Variants in NAALADL2 observed in about 807,000 individuals in gnomAD.
NAALADL2 encodes inactive N-acetylated-alpha-linked acidic dipeptidase-like protein 2.
NAALADL2 carries 76 observed loss-of-function variants against 87.2 expected under a neutral mutation model. That is an observed-to-expected ratio of 0.87 (90% CI 0.72 to 1.05). The LOEUF (loss-of-function observed/expected upper bound fraction) is 1.05, where lower values mean the gene tolerates loss of function less well. Among genes scored for constraint, NAALADL2 ranks in the 50% least tolerant of loss-of-function variants. The probability of loss-of-function intolerance (pLI) is 0.00; values close to 1 mark genes in which losing one functional copy is unlikely to be tolerated. For synonymous variants in NAALADL2, 354 were observed against 331.0 expected (o/e 1.07, Z -0.75); for missense variants, 1,089 against 945.8 (o/e 1.15, Z -1.99).
At chr3:174,806,271 C>T (rs1469183629) in intron 3 of NAALADL2, among the ~76,000 whole-genome samples, 1 of 152,188 alleles carries the variant, frequency 6.6e-6, no homozygotes, top group Admixed American at 6.5e-5. Flanking sequence ...TCAAACTCCT[C>T]TACAGTCCCA....
At chr3:175,588,257 A>G (rs9809187) in intron 10 of NAALADL2, among the ~76,000 whole-genome samples, 12,986 of 152,142 alleles carry the variant, frequency 0.085, 1,501 homozygotes, top group African/African-American at 0.26. Flanking sequence ...GCCAATTATT[A>G]TAGAGTCATT....
At chr3:175,298,935 T>A (rs1756697300) in intron 4 of NAALADL2, among the ~76,000 whole-genome samples, 1 of 152,228 alleles carries the variant, frequency 6.6e-6, no homozygotes, top group South Asian at 2.1e-4. Context: ...TGGAACATTT[T>A]TAAGTGCAAG....
At chr3:175,015,833 T>C (rs898102480) in intron 1 of NAALADL2, among the ~76,000 whole-genome samples, 1 of 152,096 alleles carries the variant, frequency 6.6e-6, no homozygotes, top group African/African-American at 2.4e-5. Context: ...TAAAAATAAG[T>C]AATTTATGAG....
intron 3 of NAALADL2, among the ~76,000 whole-genome samples, chr3:174,790,603 G>A (rs1482782181): frequency 6.6e-6 from 1 of 151,246 alleles, no homozygotes; most frequent in Admixed American, 6.6e-5. Flanking sequence ...TGCCAAGATT[G>A]TGCCACTGCA....
At chr3:175,158,573 A>G (rs1560102110) in intron 2 of NAALADL2, among the ~76,000 whole-genome samples, 1 of 152,158 alleles carries the variant, frequency 6.6e-6, no homozygotes. Flanking sequence ...AAAATAAGTG[A>G]AGTAAAAAAT....
At chr3:174,660,350 GT>G (rs1159715694) in intron 2 of NAALADL2, among the ~76,000 whole-genome samples, 2 of 152,058 alleles carry the variant, frequency 1.3e-5, no homozygotes. Flanking sequence ...TATTCATTAA[GT>G]TTTTTCATGA....
intron 9 of NAALADL2, among the ~76,000 whole-genome samples, chr3:175,500,264 A>G (rs77593432): frequency 0.032 from 4,862 of 152,190 alleles, 281 homozygotes; most frequent in African/African-American, 0.11. Context: ...GGTATTTTGC[A>G]GGGGAGGAAT....
chr3:175,459,137 A>G (rs897763849), intron 6 of NAALADL2, among the ~76,000 whole-genome samples: 1 of 152,146 alleles, frequency 6.6e-6, no homozygotes, highest in African/African-American at 2.4e-5. Context: ...CAACAAATAC[A>G]TATACCACCC....
At chr3:175,493,368 T>G (rs746952219) in intron 9 of NAALADL2, among the ~76,000 whole-genome samples, 1 of 152,132 alleles carries the variant, frequency 6.6e-6, no homozygotes, top group Non-Finnish European at 1.5e-5. Context: ...TTGTCAAAAC[T>G]GTAGTAAAAT....
At chr3:175,223,545 G>T (rs899647730) in intron 2 of NAALADL2, among the ~76,000 whole-genome samples, 2 of 151,856 alleles carry the variant, frequency 1.3e-5, no homozygotes, top group Non-Finnish European at 2.9e-5. Flanking sequence ...ATGGACACTT[G>T]GGTTGTTTTC....
intron 4 of NAALADL2, among the ~76,000 whole-genome samples, chr3:175,305,198 G>A (rs1405343456): frequency 6.6e-6 from 1 of 151,890 alleles, no homozygotes; most frequent in Non-Finnish European, 1.5e-5. Flanking sequence ...GTGGCCACAT[G>A]TATAGAATAT....
intron 1 of NAALADL2, among the ~76,000 whole-genome samples, chr3:174,463,637 G>A (rs1248316877): frequency 8.1e-6 from 1 of 123,238 alleles, no homozygotes; most frequent in Non-Finnish European, 1.6e-5. Flanking sequence ...GTCTCGCTCT[G>A]TCACCCAGGC....
In NAALADL2 at chr3:174,832,320, G is replaced by A. The variant is rs534037696; in HGVS notation, c.-9+94574G>A. On this transcript the variant is annotated intron_variant, in intron 3 of 3. Transcript: ENST00000434257. ...TCTGGTATGTTTTGTCTTTGTTCTC[G>A]TTGGTTTCAAAGAACATCTTTATTT... 2.1e-4 allele frequency among the ~76,000 whole-genome samples: 32 copies of A among 152,090 alleles called. No individual in the cohort carries two copies. The East Asian group carries it at 3.5e-3, about 17-fold the overall frequency.
At chr3:175,264,638 T>C (rs1474336480) in intron 4 of NAALADL2, among the ~76,000 whole-genome samples, 1 of 151,664 alleles carries the variant, frequency 6.6e-6, no homozygotes, top group Non-Finnish European at 1.5e-5. Context: ...AAAACAGATA[T>C]AAATAAATGA....
intron 2 of NAALADL2, among the ~76,000 whole-genome samples, chr3:174,625,499 C>G (rs1438831492): frequency 1.1e-4 from 17 of 151,530 alleles, no homozygotes; most frequent in Non-Finnish European, 1.9e-4. Context: ...AGAACATTTT[C>G]TTTTTGTAAA....
Position 175,693,312 on chromosome 3 carries a change from C to T in NAALADL2, c.1897-43994C>T, listed in dbSNP as rs562449826. ...CATCTATTACAGTGGCCTAAATTCC[C>T]CTACACTAAATTGTGTTATTAATTT... is the stretch of plus-strand genomic sequence containing the variant. On this transcript the variant is annotated intron_variant, in intron 11 of 13. Coordinates refer to ENST00000454872, the MANE Select transcript of NAALADL2 (RefSeq NM_207015.3). Among the ~76,000 whole-genome samples the T allele has an allele frequency of 7.9e-5, 12 of 152,244 alleles. 1 individual carries two copies. In the South Asian group the frequency reaches 1.9e-3, roughly 24 times the overall value.
intron 1 of NAALADL2, among the ~76,000 whole-genome samples, chr3:174,954,416 A>G (rs762592243): frequency 7.2e-5 from 11 of 152,098 alleles, no homozygotes; most frequent in Non-Finnish European, 1.2e-4. Flanking sequence ...ACAAAACTCA[A>G]TTTTGTAGAC....
chr3:175,712,291 G>A (rs967426936), intron 11 of NAALADL2, among the ~76,000 whole-genome samples: 8 of 151,952 alleles, frequency 5.3e-5, no homozygotes, highest in African/African-American at 7.2e-5. Context: ...TATATCATCC[G>A]TCTGCATGGC....
At chr3:175,620,354 A>G (rs1255261980) in intron 10 of NAALADL2, among the ~76,000 whole-genome samples, 1 of 152,190 alleles carries the variant, frequency 6.6e-6, no homozygotes, top group Middle Eastern at 3.2e-3. Context: ...TGCTGCAACC[A>G]GCATCCACGT....
Sources: gnomAD v4.1 joint callset for allele counts (sites outside exome capture counted in the v4.1 genomes callset) on GRCh38, gnomAD v4.1.1 for gene constraint, MANE v1.5 for transcripts, NCBI Gene and HGNC (gene_info 2026-07-23, HGNC 2026-07-21) for gene names.